RBM20: variants seen among roughly 807,000 people sequenced by gnomAD.
The protein encoded by RBM20 is RNA binding motif protein 20.
Under a neutral mutation model 110.1 loss-of-function variants are expected in RBM20, and 51 were observed. The ratio of observed to expected loss-of-function variants is 0.46; its 90% CI spans 0.37 to 0.59. The LOEUF (loss-of-function observed/expected upper bound fraction) is 0.59. Among genes scored for constraint, RBM20 ranks in the 20% least tolerant of loss-of-function variants. The probability of loss-of-function intolerance (pLI) is 0.00; values close to 1 mark genes in which losing one functional copy is unlikely to be tolerated. For missense variants in RBM20, 1,512 were observed against 1,574.9 expected (o/e 0.96, Z 0.68); for synonymous variants, 589 against 618.2 (o/e 0.95, Z 0.70).
chr10:110,687,968 G>C (rs1173982881), intron 1 of RBM20, among the ~76,000 whole-genome samples: 1 of 149,518 alleles, frequency 6.7e-6, no homozygotes, highest in Admixed American at 6.7e-5. Context: ...CCTTCCTCTG[G>C]GTCATGAGTG....
chr10:110,715,842 A>T lies in RBM20; in HGVS notation c.192-64959A>T, dbSNP rs544425983. On this transcript the variant is annotated intron_variant, in intron 1 of 13. Transcript: ENST00000369519. The stretch of plus-strand genomic sequence containing the variant: ...TGAAGGGTCTCACCCCAGCCTGGAG[A>T]TAGCATCACGTCTACTCACAGCCCA... Among the ~76,000 whole-genome samples the T allele has an allele frequency of 5.9e-5, 9 of 152,270 alleles. No individual in the cohort carries two copies. The South Asian group carries it at 1.5e-3, about 25-fold the overall frequency.
intron 1 of RBM20, among the ~76,000 whole-genome samples, chr10:110,705,910 C>G (rs1590627877): frequency 6.6e-6 from 1 of 151,972 alleles, no homozygotes; most frequent in Non-Finnish European, 1.5e-5. Flanking sequence ...GTGAAACCCC[C>G]ATCTCTACTA....
intron 1 of RBM20, among the ~76,000 whole-genome samples, chr10:110,663,392 A>G (rs1165322976): frequency 1.3e-5 from 2 of 152,368 alleles, no homozygotes; most frequent in South Asian, 4.1e-4. Flanking sequence ...AATGATCTCC[A>G]GGGCGTACTA....
chr10:110,671,949 T>C (rs1285553994), intron 1 of RBM20, among the ~76,000 whole-genome samples: 1 of 152,162 alleles, frequency 6.6e-6, no homozygotes, highest in Non-Finnish European at 1.5e-5. Flanking sequence ...CACCAAAATA[T>C]CACCTGGGAC....
intron 1 of RBM20, among the ~76,000 whole-genome samples, chr10:110,774,520 G>A (rs188731906): frequency 5.3e-5 from 8 of 151,782 alleles, no homozygotes; most frequent in South Asian, 2.1e-4. Context: ...GTTGATAGGC[G>A]TGTATCCGAC....
intron 12 of RBM20, 74 bp from the exon 13 acceptor site, chr10:110,830,987 A>G (rs1845043549): frequency 2.8e-6 from 4 of 1,439,078 alleles, no homozygotes; most frequent in Non-Finnish European, 3.7e-6. Flanking sequence ...TTTCTACCTG[A>G]TGGCTGCCAG....
intron 13 of RBM20, among the ~76,000 whole-genome samples, chr10:110,832,135 A>C (rs1590708103): frequency 8.3e-6 from 1 of 120,820 alleles, no homozygotes; most frequent in Non-Finnish European, 1.9e-5. Context: ...GTAATATATT[A>C]GAATGTGGTT....
rs558327179 is a variant in RBM20, at chr10:110,812,201, G to A, written c.1881-77G>A. The A allele has an allele frequency of 4.7e-6, 6 of 1,264,538 alleles. No individual in the cohort carries two copies. The African/African-American group carries it at 7.4e-5, about 16-fold the overall frequency. 78.3% of individuals were successfully genotyped at this position (1,264,538 alleles called of 1,614,324 possible). A position where few individuals can be genotyped will look rare whatever the true frequency, so the allele number is the denominator to read the frequency against. Reference sequence around the variant, plus strand: ...ACATGCACAGTATATCTAAGACAGAGACTGTGTGTCTGTGTGTGGGTGGGG... The same window carrying A: ...ACATGCACAGTATATCTAAGACAGAAACTGTGTGTCTGTGTGTGGGTGGGG... On this transcript the variant is annotated intron_variant, in intron 8 of 13. Coordinates refer to ENST00000369519, the MANE Select transcript of RBM20 (RefSeq NM_001134363.3).
At chr10:110,744,871 G>A (rs1218679468) in intron 1 of RBM20, among the ~76,000 whole-genome samples, 3 of 152,146 alleles carry the variant, frequency 2.0e-5, no homozygotes, top group African/African-American at 7.2e-5. Flanking sequence ...GAAACATAGC[G>A]GCCACCATGT....
At chr10:110,689,600 C>T (rs115987249) in intron 1 of RBM20, among the ~76,000 whole-genome samples, 6 of 152,228 alleles carry the variant, frequency 3.9e-5, no homozygotes, top group Admixed American at 6.5e-5. Flanking sequence ...GAAATCCACA[C>T]GGTTGTTCTG....
chr10:110,772,537 T>C, intron 1 of RBM20, among the ~76,000 whole-genome samples: 1 of 152,212 alleles, frequency 6.6e-6, no homozygotes, highest in Non-Finnish European at 1.5e-5. Context: ...ATACTCACCA[T>C]TGTGTTCCAG....
At chr10:110,671,747 A>G (rs980904621) in intron 1 of RBM20, among the ~76,000 whole-genome samples, 1 of 151,982 alleles carries the variant, frequency 6.6e-6, no homozygotes, top group Non-Finnish European at 1.5e-5. Context: ...ATATATATAT[A>G]TATGTATATA....
At chr10:110,793,259 GC>G (rs1265257840) in intron 5 of RBM20, among the ~76,000 whole-genome samples, 1 of 152,104 alleles carries the variant, frequency 6.6e-6, no homozygotes, top group Non-Finnish European at 1.5e-5. Context: ...AAAGTCCCAA[GC>G]TTTTTATAGC....
intron 1 of RBM20, among the ~76,000 whole-genome samples, chr10:110,737,959 G>A (rs151082395): frequency 1.3e-5 from 2 of 152,272 alleles, no homozygotes; most frequent in Non-Finnish European, 2.9e-5. Context: ...CCTTACTGGG[G>A]CCTATAAGAC....
At chr10:110,785,484 A>G (rs970462823) in intron 5 of RBM20, among the ~76,000 whole-genome samples, 8 of 151,888 alleles carry the variant, frequency 5.3e-5, no homozygotes, top group Admixed American at 3.3e-4. Context: ...TGAACCCGGG[A>G]GGCAAAGGTT....
Position 110,681,603 on chromosome 10 carries a change from G to A in RBM20, c.191+36958G>A, listed in dbSNP as rs191900688. Among the ~76,000 whole-genome samples the A allele has an allele frequency of 3.4e-3, 524 of 152,294 alleles. 1 individual carries two copies. Among genetic ancestry groups the A allele is most frequent in the Middle Eastern group, 0.01 (3 of 294 alleles). ...GAAATGGCAGCTGCTGCTGCTCCCC[G>A]TTAGCCTGAGGTCGGGTGAGGAGTT... On this transcript the variant is annotated intron_variant, in intron 1 of 13. Coordinates refer to ENST00000369519, the MANE Select transcript of RBM20 (RefSeq NM_001134363.3).
At chr10:110,741,447 T>C (rs1590647830) in intron 1 of RBM20, among the ~76,000 whole-genome samples, 2 of 152,172 alleles carry the variant, frequency 1.3e-5, no homozygotes, top group East Asian at 3.9e-4. Context: ...GTTGAACTCA[T>C]GCAAACTCAG....
intron 13 of RBM20, among the ~76,000 whole-genome samples, chr10:110,833,918 C>A (rs1016779797): frequency 4.6e-5 from 7 of 152,204 alleles, no homozygotes; most frequent in East Asian, 1.9e-4. Flanking sequence ...GCCTCCCCCA[C>A]CCCAAGCAGC....
At chr10:110,767,906 C>G (rs191949907) in intron 1 of RBM20, among the ~76,000 whole-genome samples, 3 of 152,226 alleles carry the variant, frequency 2.0e-5, no homozygotes, top group South Asian at 4.1e-4. Flanking sequence ...TGTAGCCAGC[C>G]GAGATCACGC....
Sources: gnomAD v4.1 joint callset for allele counts (sites outside exome capture counted in the v4.1 genomes callset) on GRCh38, gnomAD v4.1.1 for gene constraint, MANE v1.5 for transcripts, NCBI Gene and HGNC (gene_info 2026-07-23, HGNC 2026-07-21) for gene names.